GC: variants seen among roughly 807,000 people sequenced by gnomAD.
The protein encoded by GC is vitamin D-binding protein.
A neutral mutation model predicts 56.7 loss-of-function variants in GC; 43 were observed. That is an observed-to-expected ratio of 0.76 (90% confidence interval 0.59 to 0.98). The LOEUF is 0.98. Ranked by LOEUF, GC falls within the 50% of genes least tolerant of loss-of-function variation. GC has a pLI of 0.00. For missense variants in GC, 529 were observed against 545.9 expected, an observed-to-expected ratio of 0.97 and a Z score of 0.31; for synonymous variants, 216 against 202.7, an observed-to-expected ratio of 1.07 and a Z score of -0.56.
chr4:71,801,539 T>C (rs1164017297), intron 1 of GC, among the ~76,000 whole-genome samples: 1 of 152,132 alleles, frequency 6.6e-6, no homozygotes, highest in Non-Finnish European at 1.5e-5. Flanking sequence ...GCTCACTTTA[T>C]GAAGTTCCTT....
chr4:71,795,835 C>T (rs986596973), intron 1 of GC, among the ~76,000 whole-genome samples: 1 of 152,076 alleles, frequency 6.6e-6, no homozygotes, highest in Non-Finnish European at 1.5e-5. Flanking sequence ...TTCAAGAGCT[C>T]TTGTAAGGCA....
intron 1 of GC, among the ~76,000 whole-genome samples, chr4:71,775,932 G>A (rs1742493866): frequency 6.6e-6 from 1 of 151,948 alleles, no homozygotes; most frequent in Non-Finnish European, 1.5e-5. Context: ...TTAAGGAGAT[G>A]CAAATTAAAA....
upstream of GC, among the ~76,000 whole-genome samples, chr4:71,804,914 AGG>A (rs1491406332): frequency 3.1e-5 from 2 of 64,506 alleles, no homozygotes; most frequent in African/African-American, 7.0e-5. Context: ...AGCGGGGCTG[AGG>A]GAGGAGGAGG....
intron 1 of GC, among the ~76,000 whole-genome samples, chr4:71,792,223 T>C (rs768885685): frequency 3.7e-4 from 57 of 152,218 alleles, no homozygotes; most frequent in Admixed American, 2.0e-4. Context: ...CAGTTCTAGA[T>C]CCTTGAGGAA....
At chr4:71,803,538 A>G (rs566360506) in intron 1 of GC, among the ~76,000 whole-genome samples, 31 of 152,214 alleles carry the variant, frequency 2.0e-4, no homozygotes, top group African/African-American at 7.2e-4. Flanking sequence ...AATGAATCCA[A>G]TTAAATATAA....
intron 9 of GC, 52 bp downstream of exon 9, chr4:71,754,926 A>G (rs886954178): frequency 2.9e-6 from 4 of 1,385,580 alleles, no homozygotes; most frequent in Non-Finnish European, 3.9e-6. Context: ...ATGAACTATA[A>G]TTTTCCAACC....
intron 7 of GC, among the ~76,000 whole-genome samples, chr4:71,757,447 A>C (rs547685840): frequency 1.3e-5 from 2 of 152,250 alleles, no homozygotes; most frequent in South Asian, 4.1e-4. Flanking sequence ...AGCTAAAGCA[A>C]TTATTCAAAT....
intron 6 of GC, among the ~76,000 whole-genome samples, chr4:71,760,267 T>A (rs997905557): frequency 3.3e-5 from 5 of 151,698 alleles, no homozygotes; most frequent in African/African-American, 4.9e-5. Context: ...TTAGCCAGGA[T>A]GATCTCGATC....
intron 10 of GC, among the ~76,000 whole-genome samples, chr4:71,753,146 A>G (rs1176875947): frequency 6.6e-6 from 1 of 152,126 alleles, no homozygotes; most frequent in Non-Finnish European, 1.5e-5. Context: ...TTTTAGCTCT[A>G]CTAAAAACGA....
At position 71,790,880 on chromosome 4, in the gene GC, A is replaced by T. The variant is rs541640907; in HGVS notation, c.22-6826T>A. On this transcript the variant is annotated intron_variant, in intron 1 of 13. Coordinates refer to the GC transcript ENST00000504199. ...TGCTGCACCCATTAACTCATCATTT[A>T]GCATTAGGTATATGTCCTAAAGCTA... Among the ~76,000 whole-genome samples, 18 of 152,026 alleles carry T rather than the reference A, an allele frequency of 1.2e-4. No individual in the cohort carries two copies. In the East Asian group the frequency reaches 3.5e-3, roughly 29 times the overall value.
chr4:71,765,860 G>A (rs1742138175), intron 3 of GC, among the ~76,000 whole-genome samples: 1 of 152,160 alleles, frequency 6.6e-6, no homozygotes, highest in African/African-American at 2.4e-5. Context: ...ACTCCTCAGA[G>A]TAGAACAAAA....
At chr4:71,764,762 T>C (rs950343157) in intron 4 of GC, among the ~76,000 whole-genome samples, 12 of 152,212 alleles carry the variant, frequency 7.9e-5, no homozygotes, top group African/African-American at 2.9e-4. Context: ...TACTAATTTT[T>C]ACAATTTGTG....
chr4:71,786,309 C>T (rs192122657), upstream of GC, among the ~76,000 whole-genome samples: 6 of 151,706 alleles, frequency 4.0e-5, no homozygotes, highest in South Asian at 2.1e-4. Flanking sequence ...TACTGTGATT[C>T]TAAAACTGGG....
At chr4:71,749,216 A>T (rs938235631) in intron 11 of GC, among the ~76,000 whole-genome samples, 3 of 152,212 alleles carry the variant, frequency 2.0e-5, no homozygotes, top group East Asian at 3.8e-4. Context: ...CTACTTTAGC[A>T]ATTACTGAAA....
chr4:71,749,631 T>G (rs1402387266), intron 11 of GC, among the ~76,000 whole-genome samples: 1 of 152,224 alleles, frequency 6.6e-6, no homozygotes, highest in Non-Finnish European at 1.5e-5. Flanking sequence ...TGGAACTAAA[T>G]TTAGATTACT....
At chr4:71,796,433 C>G (rs1578325102) in intron 1 of GC, among the ~76,000 whole-genome samples, 1 of 152,254 alleles carries the variant, frequency 6.6e-6, no homozygotes, top group Admixed American at 6.5e-5. Context: ...CGCTGATATC[C>G]TTTCTTCCAT....
At chr4:71,751,978 G>T (rs1424858596) in intron 11 of GC, among the ~76,000 whole-genome samples, 1 of 151,802 alleles carries the variant, frequency 6.6e-6, no homozygotes, top group Admixed American at 6.6e-5. Flanking sequence ...TTAAAACAAA[G>T]TTAAATAATA....
At chr4:71,783,607 A>G (rs1742754364) in intron 1 of GC, among the ~76,000 whole-genome samples, 2 of 151,826 alleles carry the variant, frequency 1.3e-5, no homozygotes, top group Non-Finnish European at 2.9e-5. Flanking sequence ...ATAAATGCTT[A>G]ATGGTGGATC....
rs770318450 is a variant in GC, at chr4:71,755,077, A to T, written c.1065T>A (p.His355Gln). 3.1e-6 allele frequency: 5 copies of T among 1,592,322 alleles called. No homozygotes were observed. In the South Asian group the frequency reaches 3.4e-5, roughly 11 times the overall value. ...CCTTACTGAGGAATACTTCCGGAAGATGAGTCCTTCTGCTTAGTTCAAATG... is the reference window on the plus strand; with the variant it reads ...CCTTACTGAGGAATACTTCCGGAAGTTGAGTCCTTCTGCTTAGTTCAAATG... ...KYTFELSRRT[H>Q]LPEVFLSKVL... The change falls in exon 9 of 13, where the codon CAT (histidine) becomes CAA (glutamine). Residue 355 changes from histidine to glutamine, a missense_variant. By Grantham distance (24) the His-to-Gln change is conservative. Transcript: ENST00000273951.
Sources: allele counts gnomAD v4.1 joint callset (sites outside exome capture counted in the v4.1 genomes callset), GRCh38; gene constraint gnomAD v4.1.1; transcripts MANE v1.5; gene names NCBI Gene and HGNC (gene_info 2026-07-23, HGNC 2026-07-21).